The following TRIM2 variants were observed in gnomAD, a reference collection of about 807,000 sequenced individuals.
TRIM2 encodes the protein tripartite motif-containing protein 2.
Under a neutral mutation model 75.2 loss-of-function variants are expected in TRIM2, and 20 were observed. The ratio of observed to expected loss-of-function variants is 0.27; its 90% confidence interval spans 0.19 to 0.39. The LOEUF is 0.39. TRIM2 is among the 10% of genes least tolerant of loss of function. The probability of loss-of-function intolerance (pLI) is 1.00; values close to 1 mark genes in which losing one functional copy is unlikely to be tolerated. For synonymous variants in TRIM2, 373 were observed against 388.3 expected (o/e 0.96, Z 0.46); for missense variants, 660 against 990.8 (o/e 0.67, Z 4.48).
intron 3 of TRIM2, among the ~76,000 whole-genome samples, chr4:153,286,781 A>ACT (rs746336996): frequency 3.3e-3 from 212 of 63,372 alleles, no homozygotes; most frequent in East Asian, 0.016. Flanking sequence ...CCACCATCTC[A>ACT]CTCTCTCTCT....
At chr4:153,288,173 G>A (rs10031368) in intron 3 of TRIM2, among the ~76,000 whole-genome samples, 12 of 151,850 alleles carry the variant, frequency 7.9e-5, no homozygotes, top group Non-Finnish European at 1.5e-4. Context: ...ATGGTGGCTC[G>A]CACCTGTAAT....
chr4:153,322,758 A>G lies in TRIM2; in HGVS notation c.1893A>G (p.Pro631=), dbSNP rs761319977. The G allele has an allele frequency of 3.1e-6, 5 of 1,614,232 alleles. No individual in the cohort carries two copies. Among genetic ancestry groups the G allele is most frequent in the Non-Finnish European group, 4.2e-6 (5 of 1,180,036 alleles). ...NKACCVFIFQ[P]NGKIVTRFGS... is the part of the protein sequence containing the mutation. ...CGTGCTGCGTGTTTATCTTCCAGCC[A>G]AACGGGAAAATAGTCACCAGGTTTG... The change falls in exon 9 of 12, where the codon CCA becomes CCG. Residue 631 remains proline (P), a synonymous_variant. Coordinates refer to ENST00000338700, the MANE Select transcript of TRIM2 (RefSeq NM_015271.5).
At chr4:153,234,863 C>T (rs1354332040) in intron 1 of TRIM2, among the ~76,000 whole-genome samples, 2 of 152,194 alleles carry the variant, frequency 1.3e-5, no homozygotes, top group Admixed American at 6.5e-5. Context: ...GTTCTACATG[C>T]ATCTCCAACT....
In TRIM2 at chr4:153,334,864, C is replaced by T. The variant is rs1380783486; in HGVS notation, c.2214C>T (p.Asp738=). Residue 738 remains aspartate (D), a synonymous_variant, in exon 12 of 12, where the codon GAC becomes GAT. Coordinates refer to ENST00000338700, the MANE Select transcript of TRIM2 (RefSeq NM_015271.5). Reference sequence around the variant, plus strand: ...TGTCCTACATTAACACATCTGCTGACCCACTCTATGGCCCCCAAGGCCTGG... The same window carrying T: ...TGTCCTACATTAACACATCTGCTGATCCACTCTATGGCCCCCAAGGCCTGG... ...SFLSYINTSA[D]PLYGPQGLAL... 1 of 1,613,908 alleles carries T rather than the reference C, an allele frequency of 6.2e-7. No individual in the cohort carries two copies. The highest frequency in any genetic ancestry group is 1.3e-5 in the African/African-American group (1 of 74,936).
chr4:153,332,861 A>G (rs1177458177), intron 11 of TRIM2, among the ~76,000 whole-genome samples: 2 of 152,200 alleles, frequency 1.3e-5, no homozygotes, highest in Non-Finnish European at 2.9e-5. Flanking sequence ...TCTCTCATGC[A>G]TTGCTGGTAA....
At chr4:153,204,089 C>T (rs1734772606), upstream of TRIM2, among the ~76,000 whole-genome samples, 1 of 152,104 alleles carries the variant, frequency 6.6e-6, no homozygotes, top group Admixed American at 6.6e-5. Flanking sequence ...TTATTAACCC[C>T]GGAAGACAAC....
At position 153,335,082 on chromosome 4, in the gene TRIM2, C is replaced by T; in HGVS notation, c.*116C>T. The T allele has an allele frequency of 7.5e-7, 1 of 1,337,852 alleles. No individual in the cohort carries two copies. The highest frequency in any genetic ancestry group is 9.7e-7 in the Non-Finnish European group (1 of 1,034,728). The allele number at this position is 1,337,852 out of a possible 1,614,324, so 82.9% of individuals were successfully genotyped here. Reference sequence around the variant, plus strand: ...TATGCCAGAAGGAATCATTGGTGAACTTTCCAAGGTTATTTCTGAATGTAA... The same window carrying T: ...TATGCCAGAAGGAATCATTGGTGAATTTTCCAAGGTTATTTCTGAATGTAA... On this transcript the variant is annotated 3_prime_UTR_variant, in exon 12 of 12. Transcript: ENST00000338700.
chr4:153,173,112 G>C (rs553682214), intron 1 of TRIM2, among the ~76,000 whole-genome samples: 1 of 152,190 alleles, frequency 6.6e-6, no homozygotes, highest in Non-Finnish European at 1.5e-5. Flanking sequence ...CCTGGGTTTA[G>C]GTGTCTCTAA....
At chr4:153,240,778 A>G (rs2149840716) in intron 1 of TRIM2, among the ~76,000 whole-genome samples, 1 of 152,346 alleles carries the variant, frequency 6.6e-6, no homozygotes, top group East Asian at 1.9e-4. Flanking sequence ...TTCAGTAAGT[A>G]TATTAAAATC....
At chr4:153,171,410 A>G (rs1020990770) in intron 1 of TRIM2, among the ~76,000 whole-genome samples, 5 of 152,004 alleles carry the variant, frequency 3.3e-5, no homozygotes, top group African/African-American at 1.2e-4. Context: ...ACATGGTGAA[A>G]CCCCGTCTCC....
At position 153,331,895 on chromosome 4, in the gene TRIM2, G is replaced by A. The variant is rs534268572; in HGVS notation, c.2164-2919G>A. 3.9e-5 allele frequency among the ~76,000 whole-genome samples: 6 copies of A among 152,306 alleles called. No individual in the cohort carries two copies. The South Asian group carries it at 1.2e-3, about 32-fold the overall frequency. On this transcript the variant is annotated intron_variant, in intron 11 of 11. Transcript: ENST00000338700. ...AAGGTACAAAAGCAATTCAATGGAG[G>A]AATGATGGCCTTTTCAACAAATGGG... is the stretch of plus-strand genomic sequence containing the variant.
chr4:153,244,339 CTT>C, intron 1 of TRIM2, among the ~76,000 whole-genome samples: 1 of 33,448 alleles, frequency 3.0e-5, no homozygotes. Flanking sequence ...TCTTCTTCTT[CTT>C]CTTCTTCTTC....
At chr4:153,218,355 G>C (rs7687999) in intron 1 of TRIM2, among the ~76,000 whole-genome samples, 92,594 of 151,828 alleles carry the variant, frequency 0.61, 28,560 homozygotes, top group East Asian at 0.73. Flanking sequence ...CTACAGGCAT[G>C]CACCACCACA....
At chr4:153,304,837 T>C (rs1400436594) in intron 6 of TRIM2, among the ~76,000 whole-genome samples, 1 of 152,220 alleles carries the variant, frequency 6.6e-6, no homozygotes, top group East Asian at 1.9e-4. Flanking sequence ...ACCATAGTTA[T>C]TATACAGGTG....
upstream of TRIM2, among the ~76,000 whole-genome samples, chr4:153,199,794 C>G (rs7691464): frequency 0.66 from 100,855 of 151,714 alleles, 34,721 homozygotes; most frequent in African/African-American, 0.85. Context: ...TTTTTTAAGA[C>G]ACAGGGTCTT....
intron 1 of TRIM2, among the ~76,000 whole-genome samples, chr4:153,251,955 A>G (rs7673473): frequency 0.61 from 92,621 of 151,710 alleles, 28,714 homozygotes; most frequent in African/African-American, 0.69. Flanking sequence ...CAGCTTGGGC[A>G]ACAGGGTGAC....
intron 1 of TRIM2, among the ~76,000 whole-genome samples, chr4:153,236,475 A>G (rs1224701135): frequency 6.6e-6 from 1 of 152,046 alleles, no homozygotes; most frequent in African/African-American, 2.4e-5. Context: ...ACCACATGAC[A>G]ATTCTAGAAC....
rs1229518384 is a variant in TRIM2, at chr4:153,168,027, GTTTAT to G, written c.-49+14760_-49+14764del. ...TTTCTTTGCCATTAATTAATTCTTG[GTTTAT>G]TTGTGATTTTTAAAAATAGAGAAAA... is the stretch of plus-strand genomic sequence containing the variant. On this transcript the variant is annotated intron_variant, in intron 1 of 11. Coordinates refer to the TRIM2 transcript ENST00000437508. Among the ~76,000 whole-genome samples the G allele has an allele frequency of 8.5e-5, 13 of 152,098 alleles. No individual in the cohort carries two copies. In the South Asian group the frequency reaches 2.3e-3, roughly 27 times the overall value.
intron 8 of TRIM2, among the ~76,000 whole-genome samples, chr4:153,320,298 C>T (rs1768647960): frequency 1.3e-5 from 2 of 152,190 alleles, no homozygotes; most frequent in African/African-American, 2.4e-5. Context: ...TCTGAATCTT[C>T]ATCATTTATA....
Sources: allele counts gnomAD v4.1 joint callset (sites outside exome capture counted in the v4.1 genomes callset), GRCh38; gene constraint gnomAD v4.1.1; transcripts MANE v1.5; gene names NCBI Gene and HGNC (gene_info 2026-07-23, HGNC 2026-07-21).